The following GPR158 variants were observed in gnomAD, a reference collection of about 807,000 sequenced individuals.
GPR158 encodes metabotropic glycine receptor.
In GPR158, 30 loss-of-function variants were observed where a neutral mutation model predicts 78.2. The ratio of observed to expected loss-of-function variants is 0.38; its 90% CI spans 0.29 to 0.52. GPR158 has a LOEUF of 0.52. GPR158 is among the 20% of genes least tolerant of loss of function. GPR158 has a pLI of 0.83. For missense variants in GPR158, 1,463 were observed against 1,523.5 expected (o/e 0.96, Z 0.66); for synonymous variants, 581 against 591.1 (o/e 0.98, Z 0.25).
chr10:25,349,353 A>G (rs1015685349), intron 2 of GPR158, among the ~76,000 whole-genome samples: 1 of 151,580 alleles, frequency 6.6e-6, no homozygotes, highest in Non-Finnish European at 1.5e-5. Flanking sequence ...TCATCTCAAG[A>G]TCCTTAACTT....
At position 25,555,069 on chromosome 10, in the gene GPR158, GAGGA is replaced by G; in HGVS notation, c.1514+3994_1514+3997del. Among the ~76,000 whole-genome samples the G allele has an allele frequency of 2.0e-5, 3 of 151,904 alleles. No individual in the cohort carries two copies. The East Asian group carries it at 5.8e-4, about 29-fold the overall frequency. The stretch of plus-strand genomic sequence containing the variant: ...GGAAAAGGAAAGAAGGGGAGGGAGG[GAGGA>G]AGGAAGGAAAGAAGGAAGGAGAAAG... On this transcript the variant is annotated intron_variant, in intron 6 of 10. Transcript: ENST00000376351.
chr10:25,335,581 A>T (rs969468795), intron 2 of GPR158, among the ~76,000 whole-genome samples: 15 of 152,164 alleles, frequency 9.9e-5, no homozygotes, highest in African/African-American at 3.6e-4. Context: ...TCCAGTAACG[A>T]AGACCTTCTC....
At chr10:25,418,577 T>A (rs1013670248) in intron 4 of GPR158, among the ~76,000 whole-genome samples, 8 of 151,524 alleles carry the variant, frequency 5.3e-5, no homozygotes, top group Admixed American at 2.0e-4. Flanking sequence ...AAATATTTTT[T>A]AATTTATTCT....
chr10:25,597,673 T>C lies in GPR158; in HGVS notation c.2146-99T>C, dbSNP rs979527986. On this transcript the variant is annotated intron_variant, in intron 10 of 10. Coordinates refer to ENST00000376351, the MANE Select transcript of GPR158 (RefSeq NM_020752.3). Reference sequence around the variant, plus strand: ...AAAGCTGTAGAGCAGTTGCCCCAAATTAGAGCCCAAGTTTACTGAATTCCA... The same window carrying C: ...AAAGCTGTAGAGCAGTTGCCCCAAACTAGAGCCCAAGTTTACTGAATTCCA... 10 of 930,886 alleles carry C rather than the reference T, an allele frequency of 1.1e-5. No individual in the cohort carries two copies. The African/African-American group carries it at 1.7e-4, about 16-fold the overall frequency. The allele number at this position is 930,886 out of a possible 1,614,324, so 57.7% of individuals were successfully genotyped here.
intron 5 of GPR158, among the ~76,000 whole-genome samples, chr10:25,539,653 A>T (rs1836548659): frequency 6.6e-6 from 1 of 151,472 alleles, no homozygotes; most frequent in Non-Finnish European, 1.5e-5. Context: ...TTAAAATGTT[A>T]CTTCTGTATT....
chr10:25,565,398 T>A (rs1836916508), intron 6 of GPR158, among the ~76,000 whole-genome samples: 1 of 152,198 alleles, frequency 6.6e-6, no homozygotes, highest in African/African-American at 2.4e-5. Flanking sequence ...AAATGGGATT[T>A]GAATCAGTTT....
intron 2 of GPR158, among the ~76,000 whole-genome samples, chr10:25,296,716 C>T (rs1225453517): frequency 1.3e-5 from 2 of 152,126 alleles, no homozygotes; most frequent in Non-Finnish European, 1.5e-5. Flanking sequence ...TCATTTACCT[C>T]TCATAATGAT....
chr10:25,378,799 A>G (rs1834118334), intron 2 of GPR158, among the ~76,000 whole-genome samples: 1 of 151,696 alleles, frequency 6.6e-6, no homozygotes, highest in African/African-American at 2.4e-5. Context: ...TTTTATTTTT[A>G]TTTTTGTTTT....
intron 5 of GPR158, among the ~76,000 whole-genome samples, chr10:25,503,168 T>G (rs979774607): frequency 1.3e-5 from 2 of 150,124 alleles, no homozygotes; most frequent in African/African-American, 4.9e-5. Context: ...ATTCAGGAGC[T>G]CGTGACCAGA....
chr10:25,485,642 A>G (rs1835726295), intron 5 of GPR158, among the ~76,000 whole-genome samples: 1 of 152,204 alleles, frequency 6.6e-6, no homozygotes. Context: ...TATGAAGAAA[A>G]TACATGGTAT....
rs1554787191 is a variant in GPR158 at position 25,241,279 on chromosome 10, T to TCTTCC, written c.1008+20125_1008+20126insCCCTT. Among the ~76,000 whole-genome samples, 10 of 86,792 alleles carry TCTTCC rather than the reference T, an allele frequency of 1.2e-4. 1 individual carries two copies. Among genetic ancestry groups the TCTTCC allele is most frequent in the South Asian group, 8.2e-4 (2 of 2,442 alleles). 56.9% of individuals were successfully genotyped at this position (86,792 alleles called of 152,430 possible). On this transcript the variant is annotated intron_variant, in intron 2 of 10. Transcript: ENST00000376351. Reference sequence around the variant, plus strand: ...CTTTCCTTTCTTTCTTTCCTTTCTTTCTTTCTTTTCTTTTCTTTTCTTTTC... The same window carrying TCTTCC: ...CTTTCCTTTCTTTCTTTCCTTTCTTTCTTCCCTTTCTTTTCTTTTCTTTTCTTTTC...
In GPR158 at chr10:25,485,509, A is replaced by G. The variant is rs189408029; in HGVS notation, c.1404+18790A>G. Reference sequence around the variant, plus strand: ...GGGGCAATGTGAACTTTTAGGAGAAAAAACAAGATGCTTTTCCAGAATTTA... The same window carrying G: ...GGGGCAATGTGAACTTTTAGGAGAAGAAACAAGATGCTTTTCCAGAATTTA... On this transcript the variant is annotated intron_variant, in intron 5 of 10. Transcript: ENST00000376351. Among the ~76,000 whole-genome samples, 11 of 152,240 alleles carry G rather than the reference A, an allele frequency of 7.2e-5. No individual in the cohort carries two copies. The East Asian group carries it at 2.1e-3, about 29-fold the overall frequency.
intron 9 of GPR158, among the ~76,000 whole-genome samples, 165 bp from the exon 10 acceptor site, chr10:25,596,478 T>C (rs1186363805): frequency 6.6e-6 from 1 of 152,070 alleles, no homozygotes; most frequent in Non-Finnish European, 1.5e-5. Context: ...TGTTTGTCTG[T>C]CTGTGTCTCT....
chr10:25,394,219 C>A (rs543466436), intron 2 of GPR158, among the ~76,000 whole-genome samples: 2 of 152,280 alleles, frequency 1.3e-5, no homozygotes, highest in East Asian at 3.9e-4. Flanking sequence ...GTGGCACTAC[C>A]TTTTTCAGAC....
At chr10:25,267,540 G>T (rs1854059352) in intron 2 of GPR158, among the ~76,000 whole-genome samples, 1 of 151,994 alleles carries the variant, frequency 6.6e-6, no homozygotes. Flanking sequence ...CATATCACAG[G>T]GTTTAAACAT....
chr10:25,282,786 A>G (rs908779491), intron 2 of GPR158, among the ~76,000 whole-genome samples: 2 of 152,076 alleles, frequency 1.3e-5, no homozygotes, highest in African/African-American at 4.8e-5. Flanking sequence ...GTTTCTGCTT[A>G]ATTTTTGAGT....
intron 5 of GPR158, among the ~76,000 whole-genome samples, chr10:25,495,981 C>G (rs945701165): frequency 6.6e-6 from 1 of 151,908 alleles, no homozygotes; most frequent in Non-Finnish European, 1.5e-5. Context: ...CTGTTCTCAA[C>G]CCCCTAAATG....
At chr10:25,480,133 GA>G (rs1221297126) in intron 5 of GPR158, among the ~76,000 whole-genome samples, 1 of 151,858 alleles carries the variant, frequency 6.6e-6, no homozygotes, top group African/African-American at 2.4e-5. Flanking sequence ...TTATTTGTCA[GA>G]AGGAACATGT....
At chr10:25,511,080 T>C (rs890223669) in intron 5 of GPR158, among the ~76,000 whole-genome samples, 3 of 152,234 alleles carry the variant, frequency 2.0e-5, no homozygotes, top group Admixed American at 2.0e-4. Context: ...GATTGCTAGA[T>C]CAAATGGTAG....
Sources: allele counts gnomAD v4.1 joint callset (sites outside exome capture counted in the v4.1 genomes callset), GRCh38; gene constraint gnomAD v4.1.1; transcripts MANE v1.5; gene names NCBI Gene and HGNC (gene_info 2026-07-23, HGNC 2026-07-21).